LRRIQ1: variants seen among roughly 807,000 people sequenced by gnomAD.
The protein encoded by LRRIQ1 is leucine rich repeats and IQ motif containing 1.
LRRIQ1 carries 210 observed loss-of-function variants against 211.9 expected under a neutral mutation model. That is an observed-to-expected ratio of 0.99 (90% confidence interval 0.89 to 1.11). The LOEUF (loss-of-function observed/expected upper bound fraction) is 1.11, where lower values mean the gene tolerates loss of function less well. Ranked by LOEUF, LRRIQ1 falls within the 50% of genes most tolerant of loss-of-function variation. LRRIQ1 has a pLI of 0.00. For synonymous variants in LRRIQ1, 699 were observed against 650.1 expected (o/e 1.08, Z -1.14); for missense variants, 2,136 against 1,939.5 (o/e 1.10, Z -1.90).
intron 24 of LRRIQ1, 69 bp from the exon 25 acceptor site, chr12:85,229,448 A>G (rs1327131220): frequency 3.1e-6 from 4 of 1,305,582 alleles, no homozygotes; most frequent in African/African-American, 1.5e-5. Context: ...TGTTTAGCAC[A>G]GATGGAACTG....
At chr12:85,175,533 G>T (rs1891652150) in intron 24 of LRRIQ1, among the ~76,000 whole-genome samples, 1 of 152,072 alleles carries the variant, frequency 6.6e-6, no homozygotes, top group African/African-American at 2.4e-5. Flanking sequence ...AATAATCATT[G>T]GCTTCGTTCA....
chr12:85,197,887 T>A (rs1893020845), intron 24 of LRRIQ1, among the ~76,000 whole-genome samples: 1 of 127,322 alleles, frequency 7.9e-6, no homozygotes, highest in African/African-American at 3.0e-5. Context: ...TAATAAAACA[T>A]AATAAAAATA....
chr12:85,209,339 G>C (rs1317915216), intron 24 of LRRIQ1, among the ~76,000 whole-genome samples: 1 of 152,060 alleles, frequency 6.6e-6, no homozygotes, highest in African/African-American at 2.4e-5. Context: ...GTGAACAAAA[G>C]GGGGAAAAGC....
At chr12:85,201,174 T>C (rs760036121) in intron 24 of LRRIQ1, among the ~76,000 whole-genome samples, 3 of 151,772 alleles carry the variant, frequency 2.0e-5, no homozygotes, top group Non-Finnish European at 4.4e-5. Flanking sequence ...AGTTTGCTAG[T>C]ATTTTGTTGA....
chr12:85,115,612 C>A (rs1037044582), intron 15 of LRRIQ1, among the ~76,000 whole-genome samples: 1 of 152,078 alleles, frequency 6.6e-6, no homozygotes, highest in Non-Finnish European at 1.5e-5. Flanking sequence ...GTTCCCCATA[C>A]CTGAAATATT....
At chr12:85,058,946 A>G (rs961374720) in intron 8 of LRRIQ1, among the ~76,000 whole-genome samples, 2 of 152,012 alleles carry the variant, frequency 1.3e-5, no homozygotes, top group East Asian at 1.9e-4. Context: ...GAAGCATCAA[A>G]TAGGCAGTAT....
intron 24 of LRRIQ1, among the ~76,000 whole-genome samples, chr12:85,177,006 G>A (rs1467846638): frequency 6.6e-6 from 1 of 152,068 alleles, no homozygotes; most frequent in East Asian, 1.9e-4. Flanking sequence ...TTTGACTCTA[G>A]TCCAAACCTA....
In LRRIQ1 at chr12:85,055,857, A is replaced by G; in HGVS notation, c.1064A>G (p.Glu355Gly). The change falls in exon 8 of 27, where the codon GAG (glutamate) becomes GGG (glycine). Residue 355 changes from glutamate to glycine, a missense_variant. By Grantham distance (98) the Glu-to-Gly change is moderately conservative (BLOSUM62 -2). Coordinates refer to ENST00000393217, the MANE Select transcript of LRRIQ1 (RefSeq NM_001079910.2). Reference protein sequence around the residue: ...IKEERKKQKEEERKRREKEYE... With the variant: ...IKEERKKQKEGERKRREKEYE... The stretch of plus-strand genomic sequence containing the variant: ...GAAGAGAGAAAAAAGCAAAAGGAAG[A>G]GGAAAGGAAAAGGAGAGAAAAAGAA... 6.3e-7 allele frequency: 1 copy of G among 1,591,622 alleles called. No individual in the cohort carries two copies. Among genetic ancestry groups the G allele is most frequent in the Non-Finnish European group, 8.5e-7 (1 of 1,171,308 alleles).
chr12:85,267,075 G>T (rs147851639), downstream of LRRIQ1, among the ~76,000 whole-genome samples: 1 of 152,030 alleles, frequency 6.6e-6, no homozygotes, highest in African/African-American at 2.4e-5. Flanking sequence ...ATGAGTAAAT[G>T]TAAAACTATT....
chr12:85,143,900 G>C (rs564883995), intron 19 of LRRIQ1, among the ~76,000 whole-genome samples: 14 of 151,674 alleles, frequency 9.2e-5, no homozygotes, highest in Admixed American at 4.0e-4. Context: ...TATTGAGCCA[G>C]AACTGAAATC....
chr12:85,245,355 A>G (rs142962681), downstream of LRRIQ1, among the ~76,000 whole-genome samples: 657 of 151,344 alleles, frequency 4.3e-3, 5 homozygotes, highest in South Asian at 6.8e-3. Context: ...ATATTATACT[A>G]TCAGAAAGCA....
intron 20 of LRRIQ1, 134 bp from the exon 21 acceptor site, chr12:85,152,890 C>A: frequency 2.2e-6 from 1 of 455,982 alleles, no homozygotes; most frequent in Non-Finnish European, 3.7e-6. Flanking sequence ...ACATAAATTT[C>A]ATTTTATTAT....
chr12:85,082,086 T>A (rs1292089312), intron 11 of LRRIQ1, among the ~76,000 whole-genome samples: 5 of 152,154 alleles, frequency 3.3e-5, no homozygotes, highest in Non-Finnish European at 5.9e-5. Context: ...TACATTTTTC[T>A]CTAGTAAGAA....
At chr12:85,228,705 GCA>G (rs1208429963) in intron 24 of LRRIQ1, among the ~76,000 whole-genome samples, 2 of 152,152 alleles carry the variant, frequency 1.3e-5, no homozygotes, top group African/African-American at 4.8e-5. Context: ...GCACGTACAT[GCA>G]CAGAGTATTC....
chr12:85,187,332 T>C (rs908853130), intron 24 of LRRIQ1, among the ~76,000 whole-genome samples: 2 of 152,172 alleles, frequency 1.3e-5, no homozygotes, highest in Admixed American at 6.6e-5. Context: ...TTAAGTTAAA[T>C]TATAAATGGG....
chr12:85,110,618 T>C (rs980729648), intron 15 of LRRIQ1, among the ~76,000 whole-genome samples: 1 of 152,058 alleles, frequency 6.6e-6, no homozygotes, highest in African/African-American at 2.4e-5. Flanking sequence ...GCTTTAAAAA[T>C]TTAGAAAAAT....
intron 15 of LRRIQ1, among the ~76,000 whole-genome samples, chr12:85,120,828 A>G (rs561509020): frequency 6.6e-6 from 1 of 152,338 alleles, no homozygotes; most frequent in East Asian, 1.9e-4. Context: ...AAAGAGACCT[A>G]CACTCTCTCC....
chr12:85,233,500 A>G (rs1026827981), intron 26 of LRRIQ1, among the ~76,000 whole-genome samples: 1 of 152,128 alleles, frequency 6.6e-6, no homozygotes, highest in Non-Finnish European at 1.5e-5. Flanking sequence ...CAGATTCTGC[A>G]TTCACCAAAA....
At chr12:85,221,305 A>T (rs1158585922) in intron 24 of LRRIQ1, among the ~76,000 whole-genome samples, 1 of 152,184 alleles carries the variant, frequency 6.6e-6, no homozygotes, top group Non-Finnish European at 1.5e-5. Context: ...GGGTACTGAG[A>T]CAACATTAAT....
Sources: allele counts gnomAD v4.1 joint callset (sites outside exome capture counted in the v4.1 genomes callset), GRCh38; gene constraint gnomAD v4.1.1; transcripts MANE v1.5; gene names NCBI Gene and HGNC (gene_info 2026-07-23, HGNC 2026-07-21).